Variants in MX2 observed in about 807,000 individuals in gnomAD.
MX2 encodes the protein interferon-induced GTP-binding protein Mx2.
Under a neutral mutation model 74.0 loss-of-function variants are expected in MX2, and 51 were observed. The ratio of observed to expected loss-of-function variants is 0.69; its 90% CI spans 0.55 to 0.87. MX2 has a LOEUF of 0.87. MX2 is among the 40% of genes least tolerant of loss of function. MX2 has a pLI of 0.00. For missense variants in MX2, 832 were observed against 908.7 expected, an observed-to-expected ratio of 0.92 and a Z score of 1.09; for synonymous variants, 369 against 339.3, an observed-to-expected ratio of 1.09 and a Z score of -0.96.
At chr21:41,375,735 C>T (rs927433061) in intron 1 of MX2, among the ~76,000 whole-genome samples, 3 of 152,102 alleles carry the variant, frequency 2.0e-5, no homozygotes, top group Non-Finnish European at 4.4e-5. Context: ...TGCAAAGAGT[C>T]TTTTTCCAAA....
intron 5 of MX2, chr21:41,389,809 T>C (rs2145922214): frequency 1.3e-5 from 2 of 152,328 alleles, no homozygotes; most frequent in East Asian, 3.9e-4. Flanking sequence ...ATGTAAATTG[T>C]GCCAAAATAT....
intron 10 of MX2, among the ~76,000 whole-genome samples, chr21:41,400,177 T>C (rs75608221): frequency 0.021 from 3,253 of 152,262 alleles, 116 homozygotes; most frequent in African/African-American, 0.073. Flanking sequence ...TTGGTGGCAT[T>C]GAGACAGAGC....
At chr21:41,403,034 C>T (rs888675401) in intron 11 of MX2, 9 of 489,942 alleles carry the variant, frequency 1.8e-5, no homozygotes, top group South Asian at 1.7e-4. Flanking sequence ...CTAACATGCA[C>T]ACAGGCACGG....
chr21:41,384,939 T>C (rs573805277), intron 5 of MX2, among the ~76,000 whole-genome samples: 9 of 152,136 alleles, frequency 5.9e-5, no homozygotes, highest in Non-Finnish European at 1.3e-4. Context: ...TACAAAGGGA[T>C]TTTGTTATTG....
chr21:41,377,931 A>G lies in MX2; in HGVS notation c.392A>G (p.Lys131Arg). The stretch of plus-strand genomic sequence containing the variant: ...GTCATCGGGGACCAGAGCTCGGGCA[A>G]GAGCTCTGTGCTGGAGGCACTGTCA... ...IAVIGDQSSG[K>R]SSVLEALSGV... Residue 131 changes from lysine to arginine, a missense_variant, in exon 3 of 14, where the codon AAG becomes AGG. Lys to Arg is a conservative substitution (Grantham distance 26). Transcript: ENST00000330714. The G allele has an allele frequency of 6.2e-7, 1 of 1,614,214 alleles. No individual in the cohort carries two copies.
At position 41,380,170 on chromosome 21, in the gene MX2, G is replaced by A. The variant is rs753151654; in HGVS notation, c.577+19G>A. ...CACAAAGGTGGGCCCACGTCATTCT[G>A]AGGTTCGGATCTGGCAGCCGCTCCT... On this transcript the variant is annotated intron_variant, in intron 4 of 13. Coordinates refer to ENST00000330714, the MANE Select transcript of MX2 (RefSeq NM_002463.2). The surrounding 1 kb of genome is among the most constrained non-coding windows in gnomAD (Gnocchi z 4.3). The A allele has an allele frequency of 1.9e-6, 3 of 1,613,312 alleles. No homozygotes were observed. The African/African-American group carries it at 4.0e-5, about 22-fold the overall frequency.
At chr21:41,375,126 C>A (rs1406640471) in intron 1 of MX2, among the ~76,000 whole-genome samples, 2 of 152,240 alleles carry the variant, frequency 1.3e-5, no homozygotes, top group Non-Finnish European at 2.9e-5. Context: ...TTCCCAGGCA[C>A]ACCCTCCAGT....
At chr21:41,382,608 G>A (rs752697430) in intron 5 of MX2, 44 bp downstream of exon 5, 2 of 1,611,976 alleles carry the variant, frequency 1.2e-6, no homozygotes, top group Middle Eastern at 1.7e-4. Context: ...CTGAAGTGGG[G>A]GAAGGGTCAG....
chr21:41,399,124 TCTC>T (rs1182586804), intron 9 of MX2, 69 bp from the exon 10 acceptor site: 7 of 1,597,020 alleles, frequency 4.4e-6, no homozygotes, highest in African/African-American at 1.3e-5. Flanking sequence ...CGGGTGGACA[TCTC>T]CTTGCAACGC....
At chr21:41,407,795 C>T (rs1366844439) in intron 13 of MX2, among the ~76,000 whole-genome samples, 196 bp from the exon 14 acceptor site, 2 of 152,080 alleles carry the variant, frequency 1.3e-5, no homozygotes, top group Non-Finnish European at 2.9e-5. Context: ...AGAGGGGATG[C>T]CTGGAAGTAA....
At chr21:41,385,522 C>T (rs2089559487) in intron 5 of MX2, among the ~76,000 whole-genome samples, 1 of 152,226 alleles carries the variant, frequency 6.6e-6, no homozygotes, top group African/African-American at 2.4e-5. Flanking sequence ...CTCCTCCCTT[C>T]CATCATGCTT....
At chr21:41,385,749 C>G (rs1341617546) in intron 5 of MX2, among the ~76,000 whole-genome samples, 1 of 152,100 alleles carries the variant, frequency 6.6e-6, no homozygotes, top group Non-Finnish European at 1.5e-5. Flanking sequence ...GCCGTCATAA[C>G]ACAGGCAACA....
rs567115876 is a variant in MX2, at chr21:41,372,663, C to T, written c.-71-4173C>T. Among the ~76,000 whole-genome samples the T allele has an allele frequency of 1.7e-4, 26 of 152,316 alleles. No individual in the cohort carries two copies. In the East Asian group the frequency reaches 4.8e-3, roughly 28 times the overall value. Reference sequence around the variant, plus strand: ...CTTCTAATAAGTTACTGATCCCTTACTCATTTTTGATGTGAACAATCACAG... The same window carrying T: ...CTTCTAATAAGTTACTGATCCCTTATTCATTTTTGATGTGAACAATCACAG... On this transcript the variant is annotated intron_variant, in intron 1 of 13. Transcript: ENST00000330714.
Position 41,402,936 on chromosome 21 carries a change from T to C in MX2, c.1574-331T>C. ...GTGGGGCTCAGGCAGCAGTGCTCAC[T>C]AGCTCACTGCACACCTCCTGCCGGA... On this transcript the variant is annotated intron_variant, in intron 11 of 13. Coordinates refer to ENST00000330714, the MANE Select transcript of MX2 (RefSeq NM_002463.2). This position sits in a 1 kb window ranked among gnomAD's most constrained non-coding sequence, Gnocchi z 4.5. The C allele has an allele frequency of 3.4e-6, 1 of 291,140 alleles. No homozygotes were observed. Among genetic ancestry groups the C allele is most frequent in the Non-Finnish European group, 6.8e-6 (1 of 147,618 alleles). 18.0% of individuals were successfully genotyped at this position (291,140 alleles called of 1,614,324 possible). A position where few individuals can be genotyped will look rare whatever the true frequency, so the allele number is the denominator to read the frequency against.
At chr21:41,375,308 C>T (rs75556465) in intron 1 of MX2, among the ~76,000 whole-genome samples, 2 of 152,258 alleles carry the variant, frequency 1.3e-5, no homozygotes, top group Admixed American at 6.5e-5. Context: ...ACAATAACCA[C>T]GTGGTGGAAA....
chr21:41,403,285 TC>T lies in MX2; in HGVS notation c.1593del (p.Phe531LeufsTer26). The T allele has an allele frequency of 6.2e-7, 1 of 1,613,852 alleles. No individual in the cohort carries two copies. Among genetic ancestry groups the T allele is most frequent in the Non-Finnish European group, 8.5e-7 (1 of 1,179,764 alleles). ...TGGTCAGAAATTATCCAGCAAGCTT[TC>T]ATTAACGTGGCCAAAAAACATTTTG... ...QKAMEIIQQA[F>X]INVAKKHFGE... On this transcript the variant is annotated frameshift_variant, in exon 12 of 14. Coordinates refer to ENST00000330714, the MANE Select transcript of MX2 (RefSeq NM_002463.2). LOFTEE classifies it high-confidence loss of function.
intron 5 of MX2, among the ~76,000 whole-genome samples, chr21:41,389,197 C>CA (rs58811401): frequency 0.13 from 18,600 of 140,770 alleles, 1,547 homozygotes; most frequent in East Asian, 0.32. Context: ...AAAATAAAGT[C>CA]AAAAAAAAAA....
At chr21:41,383,086 C>T (rs986374883) in intron 5 of MX2, among the ~76,000 whole-genome samples, 10 of 152,160 alleles carry the variant, frequency 6.6e-5, no homozygotes, top group East Asian at 1.9e-4. Flanking sequence ...AGGCCAGGCA[C>T]GGTGGCGCAT....
intron 1 of MX2, chr21:41,370,666 C>A (rs944528381): frequency 6.6e-6 from 1 of 152,156 alleles, no homozygotes; most frequent in Admixed American, 6.5e-5. Flanking sequence ...GGTAACATTG[C>A]CTTCAGTGAA....
Sources: allele counts gnomAD v4.1 joint callset (sites outside exome capture counted in the v4.1 genomes callset), GRCh38; gene constraint gnomAD v4.1.1; non-coding constraint Gnocchi (gnomAD v3.1); transcripts MANE v1.5; gene names NCBI Gene and HGNC (gene_info 2026-07-23, HGNC 2026-07-21).